PIN4: variants seen among roughly 807,000 people sequenced by gnomAD.
PIN4 encodes peptidylprolyl cis/trans isomerase, NIMA-interacting 4, also known as peptidyl-prolyl cis-trans isomerase NIMA-interacting 4.
PIN4 carries 3 observed loss-of-function variants against 8.3 expected under a neutral mutation model. The ratio of observed to expected loss-of-function variants is 0.36; its 90% CI spans 0.16 to 0.93. The LOEUF (loss-of-function observed/expected upper bound fraction) is 0.93. PIN4 is among the 40% of genes least tolerant of loss of function. The pLI is 0.44. For synonymous variants in PIN4, 18 were observed against 32.5 expected (o/e 0.55, Z 1.52); for missense variants, 75 against 100.6 (o/e 0.75, Z 1.09).
At chrX:72,204,008 G>A (rs771491153) in intron 3 of PIN4, among the ~76,000 whole-genome samples, 2 of 112,170 alleles carry the variant, frequency 1.8e-5, no homozygotes, top group Non-Finnish European at 3.8e-5. Context: ...ACAGTTAATG[G>A]TGCATTAAGA....
At chrX:72,253,465 A>C (rs2043095836) in intron 3 of PIN4, among the ~76,000 whole-genome samples, 1 of 110,624 alleles carries the variant, frequency 9.0e-6, no homozygotes, top group African/African-American at 3.3e-5. Flanking sequence ...ATTTCTACTA[A>C]AAATACAAAA....
intron 3 of PIN4, among the ~76,000 whole-genome samples, chrX:72,219,377 A>T (rs1265144478): frequency 1.8e-5 from 2 of 109,006 alleles, no homozygotes; most frequent in Non-Finnish European, 3.8e-5. Flanking sequence ...AACATGGTGA[A>T]ACCCCATCTC....
At chrX:72,246,879 G>A (rs1035620105) in intron 3 of PIN4, among the ~76,000 whole-genome samples, 2 of 111,990 alleles carry the variant, frequency 1.8e-5, no homozygotes, top group Non-Finnish European at 1.9e-5. Context: ...CTGGTTACCT[G>A]TCTGGCTCCC....
intron 3 of PIN4, among the ~76,000 whole-genome samples, chrX:72,219,656 T>G (rs1056673875): frequency 4.6e-5 from 5 of 108,881 alleles, no homozygotes; most frequent in East Asian, 5.8e-4. Flanking sequence ...GAAACCAGCC[T>G]GACCAACATG....
downstream of PIN4, among the ~76,000 whole-genome samples, chrX:72,202,758 GCTT>G (rs1256173843): frequency 1.8e-5 from 2 of 111,697 alleles, no homozygotes; most frequent in African/African-American, 6.5e-5. Context: ...CTGAAATTCA[GCTT>G]CTTTTGAACT....
At chrX:72,214,601 A>G (rs1472312018) in intron 3 of PIN4, among the ~76,000 whole-genome samples, 3 of 103,815 alleles carry the variant, frequency 2.9e-5, no homozygotes, top group Non-Finnish European at 5.8e-5. Flanking sequence ...TGAACCAGGG[A>G]GGCGGAAGTT....
intron 3 of PIN4, among the ~76,000 whole-genome samples, chrX:72,214,278 G>C (rs1165927386): frequency 1.8e-5 from 2 of 111,460 alleles, no homozygotes; most frequent in Non-Finnish European, 3.8e-5. Context: ...CATAAATTAG[G>C]GAAAAATGTG....
At chrX:72,250,744 T>TG (rs1427301272) in intron 3 of PIN4, among the ~76,000 whole-genome samples, 4 of 94,943 alleles carry the variant, frequency 4.2e-5, no homozygotes, top group African/African-American at 1.7e-4. Flanking sequence ...TGGTTTTTTT[T>TG]TTTTTTTTTT....
chrX:72,263,131 G>A, exon 4 of PIN4: 1 of 148,260 alleles, frequency 6.7e-6, no homozygotes, highest in Non-Finnish European at 1.3e-5. Flanking sequence ...AGTCTCCTGG[G>A]GGAGACAGCC....
intron 3 of PIN4, among the ~76,000 whole-genome samples, chrX:72,241,057 G>A (rs1014772572): frequency 9.0e-6 from 1 of 111,196 alleles, no homozygotes; most frequent in Admixed American, 9.6e-5. Context: ...ACACTGGAAA[G>A]AAGAGGGCAG....
chrX:72,191,629 T>A (rs59547163), intron 2 of PIN4, among the ~76,000 whole-genome samples: 14,905 of 111,585 alleles, frequency 0.13, 1,423 homozygotes, highest in East Asian at 0.48. Context: ...AACACTCATC[T>A]AGTCTCACAG....
At chrX:72,249,796 A>G in intron 3 of PIN4, among the ~76,000 whole-genome samples, 1 of 111,854 alleles carries the variant, frequency 8.9e-6, no homozygotes, top group East Asian at 2.8e-4. Flanking sequence ...AGAAATGGAA[A>G]TGTTCTATGT....
intron 3 of PIN4, among the ~76,000 whole-genome samples, chrX:72,242,850 C>T (rs1470229386): frequency 9.0e-6 from 1 of 110,929 alleles, no homozygotes; most frequent in Non-Finnish European, 1.9e-5. Flanking sequence ...CCCGTTTCTA[C>T]TAAAAATACA....
chrX:72,206,799 T>C, intron 3 of PIN4: 1 of 1,211,039 alleles, frequency 8.3e-7, no homozygotes. Flanking sequence ...TATGTTCATC[T>C]AGTTTTATAT....
chrX:72,234,811 A>G (rs2043006781), intron 3 of PIN4, among the ~76,000 whole-genome samples: 1 of 111,516 alleles, frequency 9.0e-6, no homozygotes, highest in Non-Finnish European at 1.9e-5. Context: ...GATTGCTTCT[A>G]TCAACCCAGT....
At chrX:72,189,858 TTTTGAAGGCACCAGTCGGTGAG>T (rs1433743557) in intron 2 of PIN4, among the ~76,000 whole-genome samples, 2 of 111,407 alleles carry the variant, frequency 1.8e-5, no homozygotes, top group African/African-American at 6.6e-5. Context: ...TTCAAGTGTT[TTTTGAAGGCACCAGTCGGTGAG>T]GGACCCTGGG....
At chrX:72,203,690 G>A (rs1433653881) in intron 3 of PIN4, among the ~76,000 whole-genome samples, 1 of 111,797 alleles carries the variant, frequency 8.9e-6, no homozygotes, top group Non-Finnish European at 1.9e-5. Context: ...CCCCAACCAT[G>A]TCACCACAGG....
intron 3 of PIN4, among the ~76,000 whole-genome samples, chrX:72,213,613 G>A (rs1042155351): frequency 1.8e-5 from 2 of 112,133 alleles, no homozygotes; most frequent in African/African-American, 3.2e-5. Context: ...CAGGGTGTCC[G>A]CTGCGTTTCT....
downstream of PIN4, chrX:72,199,115 T>C (rs2042780274): frequency 9.0e-6 from 1 of 111,689 alleles, no homozygotes. Context: ...TTTATTGACA[T>C]GGGGTCTTGT....
Sources: gnomAD v4.1 joint callset for allele counts (sites outside exome capture counted in the v4.1 genomes callset) on GRCh38, gnomAD v4.1.1 for gene constraint, MANE v1.5 for transcripts, NCBI Gene and HGNC (gene_info 2026-07-23, HGNC 2026-07-21) for gene names.